TAFA1: variants seen among roughly 807,000 people sequenced by gnomAD.
The protein encoded by TAFA1 is TAFA chemokine like family member 1, also known as chemokine-like protein TAFA-1.
Under a neutral mutation model 18.5 loss-of-function variants are expected in TAFA1, and 4 were observed. The observed-to-expected ratio is 0.22, with a 90% confidence interval of 0.11 to 0.49. The LOEUF is 0.49. Among genes scored for constraint, TAFA1 ranks in the 20% least tolerant of loss-of-function variants. The probability of loss-of-function intolerance (pLI) is 0.98; values close to 1 mark genes in which losing one functional copy is unlikely to be tolerated. For missense variants in TAFA1, 147 were observed against 169.0 expected (o/e 0.87, Z 0.72); for synonymous variants, 56 against 55.2 (o/e 1.01, Z -0.06).
chr3:67,995,129 G>T, the TAFA1 span, among the ~76,000 whole-genome samples: 7 of 152,272 alleles, frequency 4.6e-5, no homozygotes, highest in African/African-American at 1.7e-4. Flanking sequence ...CAATAAAGAT[G>T]CCTACCTTGG....
chr3:68,308,908 ATCT>A (rs2068468955), intron 2 of TAFA1, among the ~76,000 whole-genome samples: 1 of 152,154 alleles, frequency 6.6e-6, no homozygotes, highest in African/African-American at 2.4e-5. Flanking sequence ...AGCTTGAATG[ATCT>A]TCTTCCTTCC....
intron 2 of TAFA1, among the ~76,000 whole-genome samples, chr3:68,093,901 T>G (rs533449786): frequency 6.6e-6 from 1 of 152,118 alleles, no homozygotes; most frequent in Non-Finnish European, 1.5e-5. Flanking sequence ...TAGAAAAACC[T>G]CATAGATCTA....
At chr3:68,021,992 G>A (rs1210459094) in intron 2 of TAFA1, among the ~76,000 whole-genome samples, 4 of 152,092 alleles carry the variant, frequency 2.6e-5, no homozygotes, top group African/African-American at 9.7e-5. Flanking sequence ...CAAAAACGCT[G>A]TTAAGTATTT....
chr3:68,405,699 C>CAAAAAAAAAAAAAAAAAAAAAA (rs56258198), intron 2 of TAFA1, among the ~76,000 whole-genome samples: 3 of 32,848 alleles, frequency 9.1e-5, no homozygotes, highest in African/African-American at 1.4e-4. Context: ...GACTCTATCT[C>CAAAAAAAAAAAAAAAAAAAAAA]AAAAAAAAAA....
intron 2 of TAFA1, among the ~76,000 whole-genome samples, chr3:68,240,594 C>A (rs1250822409): frequency 6.6e-6 from 1 of 152,104 alleles, no homozygotes; most frequent in Non-Finnish European, 1.5e-5. Context: ...TGACCCTGCC[C>A]ACTAGTAAAC....
intron 2 of TAFA1, among the ~76,000 whole-genome samples, chr3:68,202,734 A>G (rs1281117703): frequency 1.3e-5 from 2 of 151,730 alleles, no homozygotes; most frequent in Non-Finnish European, 1.5e-5. Flanking sequence ...AGTGAAATTT[A>G]CTTATATATA....
chr3:67,992,651 T>C, the TAFA1 span, among the ~76,000 whole-genome samples: 1 of 152,188 alleles, frequency 6.6e-6, no homozygotes, highest in Non-Finnish European at 1.5e-5. Flanking sequence ...CATAAACAAA[T>C]GGGCATGTTT....
intron 2 of TAFA1, among the ~76,000 whole-genome samples, chr3:68,007,353 G>T (rs1057260895): frequency 1.3e-4 from 19 of 151,772 alleles, no homozygotes; most frequent in Admixed American, 1.1e-3. Flanking sequence ...TTCCTATATT[G>T]AATTTTTAGT....
At chr3:68,391,762 G>T (rs1337401082) in intron 2 of TAFA1, among the ~76,000 whole-genome samples, 1 of 152,084 alleles carries the variant, frequency 6.6e-6, no homozygotes, top group Non-Finnish European at 1.5e-5. Flanking sequence ...GCCAAACTAA[G>T]CTTTATAAGT....
chr3:68,318,024 G>C (rs1334768372), intron 2 of TAFA1, among the ~76,000 whole-genome samples: 1 of 151,936 alleles, frequency 6.6e-6, no homozygotes, highest in Non-Finnish European at 1.5e-5. Context: ...AACTCACTGT[G>C]GTGCTGCCAG....
chr3:68,539,760 A>G (rs1248381250), intron 4 of TAFA1, among the ~76,000 whole-genome samples: 2 of 140,096 alleles, frequency 1.4e-5, no homozygotes, highest in Non-Finnish European at 3.0e-5. Context: ...GTTTTAATTT[A>G]CAGGAATTTT....
rs187942522 is a variant in TAFA1, at chr3:68,381,770, G to C, written c.119-35510G>C. On this transcript the variant is annotated intron_variant, in intron 2 of 4. Transcript: ENST00000478136. ...AATTGAATACCCTTTGTTTCCTTCTGCTGCCTGATTGCCCTGGCCAGAACT... is the reference window on the plus strand; with the variant it reads ...AATTGAATACCCTTTGTTTCCTTCTCCTGCCTGATTGCCCTGGCCAGAACT... Among the ~76,000 whole-genome samples, 31 of 151,896 alleles carry C rather than the reference G, an allele frequency of 2.0e-4. No homozygotes were observed. In the East Asian group the frequency reaches 3.7e-3, roughly 18 times the overall value.
At chr3:68,319,887 A>G (rs1356250592) in intron 2 of TAFA1, among the ~76,000 whole-genome samples, 2 of 152,222 alleles carry the variant, frequency 1.3e-5, no homozygotes, top group Non-Finnish European at 2.9e-5. Flanking sequence ...CTTCATTATC[A>G]TAGAAATAAT....
intron 2 of TAFA1, among the ~76,000 whole-genome samples, chr3:68,379,967 C>T (rs1329574434): frequency 1.3e-5 from 2 of 151,398 alleles, no homozygotes; most frequent in Non-Finnish European, 2.9e-5. Context: ...CTTCCTGTGT[C>T]CATGTGTTCT....
chr3:68,026,087 C>A (rs983669423), intron 2 of TAFA1, among the ~76,000 whole-genome samples: 8 of 151,932 alleles, frequency 5.3e-5, no homozygotes, highest in African/African-American at 1.7e-4. Context: ...GAGACCATTC[C>A]TTTTATTTCC....
At position 68,021,185 on chromosome 3, in the gene TAFA1, CAAAAAAAA is replaced by C. The variant is rs10610707; in HGVS notation, c.118+14461_118+14468del. On this transcript the variant is annotated intron_variant, in intron 2 of 4. Coordinates refer to ENST00000478136, the MANE Select transcript of TAFA1 (RefSeq NM_213609.4). ...TAGTCAACAGAACAAGACCCTGTCTCAAAAAAAAAAAAAAAAAAAAAAAAAAAGTAGTT... is the reference window on the plus strand; with the variant it reads ...TAGTCAACAGAACAAGACCCTGTCTCAAAAAAAAAAAAAAAAAAAGTAGTT... Among the ~76,000 whole-genome samples the C allele has an allele frequency of 4.5e-4, 25 of 56,092 alleles. No homozygotes were observed. In the East Asian group the frequency reaches 5.3e-3, roughly 12 times the overall value. The allele number at this position is 56,092 out of a possible 152,430, so 36.8% of individuals were successfully genotyped here.
intron 2 of TAFA1, among the ~76,000 whole-genome samples, chr3:68,251,087 C>A (rs1491726): frequency 0.32 from 37,412 of 117,662 alleles, 6,378 homozygotes; most frequent in African/African-American, 0.51. Flanking sequence ...GAAAAAAAAA[C>A]CAAAATAAAT....
chr3:68,441,163 G>T (rs141517359), intron 3 of TAFA1, among the ~76,000 whole-genome samples: 1 of 152,182 alleles, frequency 6.6e-6, no homozygotes, highest in East Asian at 1.9e-4. Context: ...TCATTTGGGT[G>T]TGTTACTCTA....
At chr3:68,494,654 T>A (rs992562280) in intron 3 of TAFA1, among the ~76,000 whole-genome samples, 5 of 152,180 alleles carry the variant, frequency 3.3e-5, no homozygotes, top group Non-Finnish European at 7.3e-5. Context: ...CATGATGAAT[T>A]AATTCCTAAT....
Sources: gnomAD v4.1 joint callset for allele counts (sites outside exome capture counted in the v4.1 genomes callset) on GRCh38, gnomAD v4.1.1 for gene constraint, MANE v1.5 for transcripts, NCBI Gene and HGNC (gene_info 2026-07-23, HGNC 2026-07-21) for gene names.